The following SNX31 variants were observed in gnomAD, a reference collection of about 807,000 sequenced individuals.
The protein encoded by SNX31 is sorting nexin-31.
In SNX31, 58 loss-of-function variants were observed where a neutral mutation model predicts 65.4. The observed-to-expected ratio is 0.89, with a 90% CI of 0.72 to 1.10. The LOEUF (loss-of-function observed/expected upper bound fraction) is 1.10, where lower values mean the gene tolerates loss of function less well. SNX31 is among the 50% of genes least tolerant of loss of function. The pLI is 0.00. For missense variants in SNX31, 523 were observed against 529.7 expected (o/e 0.99, Z 0.12); for synonymous variants, 181 against 190.1 (o/e 0.95, Z 0.39).
chr8:100,646,083 C>T (rs908145302), intron 2 of SNX31, among the ~76,000 whole-genome samples: 2 of 152,040 alleles, frequency 1.3e-5, no homozygotes, highest in African/African-American at 4.8e-5. Flanking sequence ...ACTATCGGGG[C>T]CAAGGGTAAA....
At chr8:100,633,058 G>A (rs781581389) in intron 3 of SNX31, among the ~76,000 whole-genome samples, 9 of 151,882 alleles carry the variant, frequency 5.9e-5, no homozygotes, top group Admixed American at 2.0e-4. Context: ...CCAAGTAGGT[G>A]CAGGCACGTG....
chr8:100,580,101 G>A (rs1449858073), intron 12 of SNX31, among the ~76,000 whole-genome samples: 1 of 150,118 alleles, frequency 6.7e-6, no homozygotes, highest in Non-Finnish European at 1.5e-5. Flanking sequence ...GGTGGAGGTT[G>A]CAGTGAGCTG....
chr8:100,615,180 AT>A (rs1817062647), intron 5 of SNX31, among the ~76,000 whole-genome samples: 1 of 152,148 alleles, frequency 6.6e-6, no homozygotes, highest in African/African-American at 2.4e-5. Flanking sequence ...TTGGGTCTGA[AT>A]TTCTCACAAG....
chr8:100,620,118 C>T (rs1308019415), intron 4 of SNX31: 1 of 152,110 alleles, frequency 6.6e-6, no homozygotes, highest in East Asian at 1.9e-4. Context: ...TTGCGTGATG[C>T]TGAGGTTTGG....
At position 100,606,324 on chromosome 8, in the gene SNX31, C is replaced by T. The variant is rs1563540456; in HGVS notation, c.681+2170G>A. Reference sequence around the variant, plus strand: ...TGCTGGGATTACAGGTGTGTGTCCCCGTTTCCAGGCTGAACATAATTATAC... The same window carrying T: ...TGCTGGGATTACAGGTGTGTGTCCCTGTTTCCAGGCTGAACATAATTATAC... On this transcript the variant is annotated intron_variant, in intron 8 of 13. Coordinates refer to ENST00000311812, the MANE Select transcript of SNX31 (RefSeq NM_152628.4). Among the ~76,000 whole-genome samples, 4 of 152,258 alleles carry T rather than the reference C, an allele frequency of 2.6e-5. No individual in the cohort carries two copies. The South Asian group carries it at 8.3e-4, about 32-fold the overall frequency.
At chr8:100,617,319 T>G (rs1817296899) in intron 5 of SNX31, among the ~76,000 whole-genome samples, 1 of 152,164 alleles carries the variant, frequency 6.6e-6, no homozygotes, top group East Asian at 1.9e-4. Context: ...ATAAAGCATT[T>G]TACATATTTC....
chr8:100,638,563 G>A (rs548305822), intron 2 of SNX31, among the ~76,000 whole-genome samples: 7 of 152,288 alleles, frequency 4.6e-5, no homozygotes, highest in African/African-American at 1.7e-4. Flanking sequence ...TTGATTTTTA[G>A]ATAACTGGAA....
At chr8:100,577,164 G>C in intron 12 of SNX31, 89 bp from the exon 13 acceptor site, 1 of 1,151,154 alleles carries the variant, frequency 8.7e-7, no homozygotes, top group Non-Finnish European at 1.3e-6. Flanking sequence ...TCCCTTCCAC[G>C]ATAATCCTCT....
intron 8 of SNX31, among the ~76,000 whole-genome samples, chr8:100,606,932 C>T (rs1246059458): frequency 1.3e-5 from 2 of 152,222 alleles, no homozygotes; most frequent in African/African-American, 4.8e-5. Flanking sequence ...TTAATGCTGA[C>T]ATCGTGCCCG....
At chr8:100,639,420 T>A (rs1819001115) in intron 2 of SNX31, among the ~76,000 whole-genome samples, 1 of 152,138 alleles carries the variant, frequency 6.6e-6, no homozygotes, top group Admixed American at 6.6e-5. Context: ...GATAAAGTTG[T>A]TTTCCACAGG....
intron 1 of SNX31, among the ~76,000 whole-genome samples, chr8:100,656,656 A>C (rs937730038): frequency 4.0e-5 from 6 of 151,614 alleles, no homozygotes; most frequent in Admixed American, 6.6e-5. Context: ...AAAAAAAAAA[A>C]AAAAAAAAAA....
rs1194286554 is a variant in SNX31 at position 100,609,357 on chromosome 8, C to T, written c.612-794G>A. Among the ~76,000 whole-genome samples, 3 of 152,198 alleles carry T rather than the reference C, an allele frequency of 2.0e-5. No individual in the cohort carries two copies. Among genetic ancestry groups the T allele is most frequent in the East Asian group, 1.9e-4 (1 of 5,190 alleles). On this transcript the variant is annotated intron_variant, in intron 7 of 13. Coordinates refer to ENST00000311812, the MANE Select transcript of SNX31 (RefSeq NM_152628.4). The surrounding 1 kb of genome is among the most constrained non-coding windows in gnomAD (Gnocchi z 4.9). ...CCGCCTGTCCACTGTGCTTCCTCTG[C>T]ACCCTGAGTTTATTCCAATTGCCAC...
chr8:100,581,128 T>G (rs1213600597), intron 12 of SNX31, among the ~76,000 whole-genome samples: 1 of 134,918 alleles, frequency 7.4e-6, no homozygotes. Flanking sequence ...AGACCTTACC[T>G]CTACAAAAAA....
intron 2 of SNX31, among the ~76,000 whole-genome samples, chr8:100,640,876 T>C (rs4734467): frequency 0.53 from 79,888 of 151,872 alleles, 21,260 homozygotes; most frequent in Non-Finnish European, 0.58. Flanking sequence ...TGTGGTACAC[T>C]GGCCAGGGTC....
chr8:100,624,679 G>A lies in SNX31; in HGVS notation c.321+5648C>T, dbSNP rs118066329. ...TGTGATATTTGAATTTTACTAGAAT[G>A]TTTTAATGTATAATTCACAAAATTA... On this transcript the variant is annotated intron_variant, in intron 4 of 13. Transcript: ENST00000311812. Among the ~76,000 whole-genome samples, 672 of 152,230 alleles carry A rather than the reference G, an allele frequency of 4.4e-3. 2 individuals carry two copies. Among genetic ancestry groups the A allele is most frequent in the Non-Finnish European group, 6.5e-3 (442 of 68,016 alleles).
intron 12 of SNX31, among the ~76,000 whole-genome samples, chr8:100,583,069 T>C (rs1031901131): frequency 6.6e-6 from 1 of 151,812 alleles, no homozygotes; most frequent in African/African-American, 2.4e-5. Context: ...TACAAAAGAA[T>C]TAAGTTTATG....
chr8:100,603,443 T>C (rs1815835023), intron 8 of SNX31, among the ~76,000 whole-genome samples: 1 of 152,044 alleles, frequency 6.6e-6, no homozygotes, highest in Non-Finnish European at 1.5e-5. Flanking sequence ...TTACCTTTTT[T>C]TTTTTTTTTG....
At chr8:100,602,927 A>AG (rs1815777194) in intron 8 of SNX31, among the ~76,000 whole-genome samples, 1 of 152,222 alleles carries the variant, frequency 6.6e-6, no homozygotes, top group African/African-American at 2.4e-5. Flanking sequence ...ACCAAGAATA[A>AG]GGGGGGCCTA....
intron 8 of SNX31, among the ~76,000 whole-genome samples, chr8:100,605,185 CA>C (rs1254986733): frequency 6.6e-6 from 1 of 152,180 alleles, no homozygotes; most frequent in African/African-American, 2.4e-5. Context: ...AAGTGTGAGC[CA>C]CCATGCCTGG....
Sources: gnomAD v4.1 joint callset for allele counts (sites outside exome capture counted in the v4.1 genomes callset) on GRCh38, gnomAD v4.1.1 for gene constraint, Gnocchi (gnomAD v3.1) non-coding constraint, MANE v1.5 for transcripts, NCBI Gene and HGNC (gene_info 2026-07-23, HGNC 2026-07-21) for gene names.